Variants in ZMAT4 observed in about 807,000 individuals in gnomAD.
ZMAT4 encodes zinc finger matrin-type 4.
A neutral mutation model predicts 28.7 loss-of-function variants in ZMAT4; 17 were observed. The observed-to-expected ratio is 0.59, with a 90% CI of 0.41 to 0.89. The LOEUF is 0.89. Ranked by LOEUF, ZMAT4 falls within the 40% of genes least tolerant of loss-of-function variation. The pLI, the probability that ZMAT4 is intolerant of heterozygous loss-of-function variation, is 0.00. For missense variants in ZMAT4, 240 were observed against 283.8 expected (o/e 0.85, Z 1.11); for synonymous variants, 117 against 109.2 (o/e 1.07, Z -0.44).
rs1329066584 is a variant in ZMAT4, at chr8:40,530,680, C to G, written c.*1543G>C. 3 of 152,610 alleles carry G rather than the reference C, an allele frequency of 2.0e-5. No homozygotes were observed. Among genetic ancestry groups the G allele is most frequent in the Non-Finnish European group, 4.4e-5 (3 of 68,038 alleles). 9.5% of individuals were successfully genotyped at this position (152,610 alleles called of 1,614,324 possible). A position where few individuals can be genotyped will look rare whatever the true frequency, so the allele number is the denominator to read the frequency against. ...CTTATTTTACACATCCGAAGAAACA[C>G]CATCACAGGAGGTTTGTAGGTCGGC... is the stretch of plus-strand genomic sequence containing the variant. On this transcript the variant is annotated 3_prime_UTR_variant, in exon 7 of 7. Transcript: ENST00000297737.
chr8:40,803,384 C>G (rs1231617626), intron 2 of ZMAT4, among the ~76,000 whole-genome samples: 1 of 152,094 alleles, frequency 6.6e-6, no homozygotes, highest in Non-Finnish European at 1.5e-5. Context: ...ATGCAAAGAA[C>G]TCTTAAAACT....
intron 1 of ZMAT4, among the ~76,000 whole-genome samples, chr8:40,876,286 A>G (rs1818039068): frequency 6.6e-6 from 1 of 152,154 alleles, no homozygotes; most frequent in Non-Finnish European, 1.5e-5. Context: ...TGAATAGTAA[A>G]TATAAATAGT....
chr8:40,736,918 CT>C (rs35750691), intron 3 of ZMAT4, among the ~76,000 whole-genome samples: 147,333 of 152,282 alleles, frequency 0.97, 71,457 homozygotes, highest in East Asian at 1. Context: ...ACTGGGCAGG[CT>C]TCATTGACCA....
intron 3 of ZMAT4, among the ~76,000 whole-genome samples, chr8:40,701,737 C>G (rs1049846507): frequency 6.6e-6 from 1 of 151,732 alleles, no homozygotes; most frequent in African/African-American, 2.4e-5. Context: ...AAGCTAGTCT[C>G]GAACTCCTGA....
chr8:40,641,061 C>G (rs1264864065), intron 5 of ZMAT4, among the ~76,000 whole-genome samples: 1 of 151,470 alleles, frequency 6.6e-6, no homozygotes, highest in Non-Finnish European at 1.5e-5. Context: ...AATTCATCAA[C>G]TTTACAAACC....
chr8:40,637,765 G>A (rs935033763), intron 5 of ZMAT4, among the ~76,000 whole-genome samples: 9 of 152,166 alleles, frequency 5.9e-5, no homozygotes, highest in African/African-American at 2.2e-4. Context: ...TTGCTACTAA[G>A]CACTGATCCC....
chr8:40,652,674 G>A (rs1173404933), intron 5 of ZMAT4, among the ~76,000 whole-genome samples: 21 of 112,464 alleles, frequency 1.9e-4, no homozygotes, highest in East Asian at 5.7e-4. Context: ...CAAAGACTTG[G>A]AACCAACCCA....
chr8:40,612,211 G>A (rs1805826905), intron 5 of ZMAT4, among the ~76,000 whole-genome samples: 2 of 140,366 alleles, frequency 1.4e-5, no homozygotes, highest in South Asian at 4.4e-4. Context: ...CTCAATCAAT[G>A]CTCATTCATA....
intron 5 of ZMAT4, among the ~76,000 whole-genome samples, chr8:40,627,132 C>A (rs2118711144): frequency 6.6e-6 from 1 of 152,292 alleles, no homozygotes; most frequent in East Asian, 1.9e-4. Flanking sequence ...AATCAATATT[C>A]AGTCAACTAG....
intron 3 of ZMAT4, among the ~76,000 whole-genome samples, chr8:40,739,691 C>G (rs1226060759): frequency 6.6e-6 from 1 of 152,196 alleles, no homozygotes; most frequent in Non-Finnish European, 1.5e-5. Context: ...AGGTTTGTTA[C>G]ATAGGTATAC....
intron 5 of ZMAT4, among the ~76,000 whole-genome samples, chr8:40,642,781 G>A (rs557820602): frequency 1.3e-5 from 2 of 152,332 alleles, no homozygotes; most frequent in African/African-American, 4.8e-5. Flanking sequence ...GAGCACTGCC[G>A]TGCATATGCT....
intron 1 of ZMAT4, 142 bp from the exon 2 acceptor site, chr8:40,825,822 T>C (rs574775267): frequency 1.6e-6 from 1 of 607,194 alleles, no homozygotes; most frequent in Admixed American, 2.9e-5. Flanking sequence ...CTCTTGACGT[T>C]ATCATATCGA....
chr8:40,874,433 A>G (rs139350061), intron 1 of ZMAT4, among the ~76,000 whole-genome samples: 1 of 152,306 alleles, frequency 6.6e-6, no homozygotes, highest in East Asian at 1.9e-4. Context: ...TATAATGTAT[A>G]CTGGGAGTAA....
chr8:40,743,781 C>T (rs1045400104), intron 3 of ZMAT4, among the ~76,000 whole-genome samples: 1 of 151,916 alleles, frequency 6.6e-6, no homozygotes, highest in Non-Finnish European at 1.5e-5. Flanking sequence ...GGGGAAGGAG[C>T]GGCCGATTCT....
rs534714217 is a variant in ZMAT4, at chr8:40,624,993, T to C, written c.578-43732A>G. 3.3e-5 allele frequency among the ~76,000 whole-genome samples: 5 copies of C among 152,318 alleles called. No homozygotes were observed. In the East Asian group the frequency reaches 9.6e-4, roughly 29 times the overall value. ...CTATGAAGAAGTGGAATTAAGGTGA[T>C]GTGGTAAAAGGAGGGGGCAGTGCTC... is the stretch of plus-strand genomic sequence containing the variant. On this transcript the variant is annotated intron_variant, in intron 5 of 6. Transcript: ENST00000297737.
intron 4 of ZMAT4, among the ~76,000 whole-genome samples, chr8:40,695,768 ATTTTTTTTTTTTTTTTTT>A (rs756360990): frequency 2.2e-4 from 13 of 58,470 alleles, no homozygotes; most frequent in East Asian, 4.3e-4. Flanking sequence ...CCATGTGGCA[ATTTTTTTTTTTTTTTTTT>A]TTTTTTTTTT....
chr8:40,586,860 A>G (rs1804685545), intron 5 of ZMAT4, among the ~76,000 whole-genome samples: 1 of 152,236 alleles, frequency 6.6e-6, no homozygotes, highest in Non-Finnish European at 1.5e-5. Flanking sequence ...ATTAAAAAAT[A>G]TAATTAAAGG....
chr8:40,636,010 G>A (rs761728617), intron 5 of ZMAT4, among the ~76,000 whole-genome samples: 1 of 152,198 alleles, frequency 6.6e-6, no homozygotes, highest in Non-Finnish European at 1.5e-5. Context: ...GGTTAGAGAC[G>A]TTTGAGTAAG....
chr8:40,879,428 A>G (rs1818146172), intron 1 of ZMAT4, among the ~76,000 whole-genome samples: 1 of 152,152 alleles, frequency 6.6e-6, no homozygotes, highest in Non-Finnish European at 1.5e-5. Context: ...GTCTCTTAAA[A>G]AATAAAAATG....
Sources: allele counts gnomAD v4.1 joint callset (sites outside exome capture counted in the v4.1 genomes callset), GRCh38; gene constraint gnomAD v4.1.1; transcripts MANE v1.5; gene names NCBI Gene and HGNC (gene_info 2026-07-23, HGNC 2026-07-21).